Variants in SEPTIN10 observed in about 807,000 individuals in gnomAD.
The protein encoded by SEPTIN10 is septin 10, also known as septin-10.
In SEPTIN10, 66 loss-of-function variants were observed where a neutral mutation model predicts 54.8. The ratio of observed to expected loss-of-function variants is 1.21; its 90% CI spans 0.99 to 1.48. The LOEUF (loss-of-function observed/expected upper bound fraction) is 1.48. Among genes scored for constraint, SEPTIN10 ranks in the 40% most tolerant of loss-of-function variants. The pLI is 0.00. For missense variants in SEPTIN10, 620 were observed against 545.6 expected, an observed-to-expected ratio of 1.14 and a Z score of -1.36; for synonymous variants, 161 against 181.0, an observed-to-expected ratio of 0.89 and a Z score of 0.89.
chr2:109,564,930 A>C (rs936956030), intron 7 of SEPTIN10, among the ~76,000 whole-genome samples: 2 of 152,214 alleles, frequency 1.3e-5, no homozygotes, highest in African/African-American at 2.4e-5. Flanking sequence ...CTAAAACTTC[A>C]AAGTAGTAAA....
chr2:109,608,989 CAGT>C (rs1698632178), intron 1 of SEPTIN10, among the ~76,000 whole-genome samples: 1 of 152,150 alleles, frequency 6.6e-6, no homozygotes, highest in Non-Finnish European at 1.5e-5. Context: ...CTCTATCCTG[CAGT>C]AGATTATAAA....
intron 5 of SEPTIN10, among the ~76,000 whole-genome samples, chr2:109,572,609 CTTTTTT>C (rs60520770): frequency 9.0e-6 from 1 of 111,222 alleles, no homozygotes; most frequent in East Asian, 2.6e-4. Context: ...TTTAAAACAA[CTTTTTT>C]TTTTTTTTTT....
At chr2:109,600,165 C>T (rs186961992) in intron 1 of SEPTIN10, among the ~76,000 whole-genome samples, 5 of 152,314 alleles carry the variant, frequency 3.3e-5, no homozygotes, top group African/African-American at 2.4e-5. Context: ...CAGATCCACA[C>T]GGTTCTGCAG....
intron 8 of SEPTIN10, among the ~76,000 whole-genome samples, chr2:109,559,911 C>CTT (rs1185486244): frequency 0.19 from 22,204 of 117,432 alleles, 3,293 homozygotes; most frequent in African/African-American, 0.4. Flanking sequence ...CAACCAATGC[C>CTT]TTTTTTTTTT....
intron 1 of SEPTIN10, among the ~76,000 whole-genome samples, chr2:109,606,672 C>CTTTT (rs34414105): frequency 0.019 from 1,347 of 71,912 alleles, 144 homozygotes; most frequent in African/African-American, 0.056. Context: ...AAATTTTAAG[C>CTTTT]TTTTTTTTTT....
Position 109,546,144 on chromosome 2 carries a change from C to A in SEPTIN10, c.1255G>T (p.Ala419Ser). ...GAGGTAGCTTTCTTTTTAGAGAAAGCAATTATTTCTTCTTCCAAAAGTCTT... is the reference window on the plus strand; with the variant it reads ...GAGGTAGCTTTCTTTTTAGAGAAAGAAATTATTTCTTCTTCCAAAAGTCTT... ...KRRLLEEEII[A>S]FSKKKATSEI... The change falls in exon 10 of 11, where the codon GCT becomes TCT. Residue 419 changes from alanine to serine, a missense_variant. Physicochemically the swap from Ala to Ser is moderately conservative, Grantham distance 99. Transcript: ENST00000397712. The A allele has an allele frequency of 6.2e-7, 1 of 1,610,912 alleles. No individual in the cohort carries two copies. Among genetic ancestry groups the A allele is most frequent in the Non-Finnish European group, 8.5e-7 (1 of 1,178,704 alleles).
intron 1 of SEPTIN10, among the ~76,000 whole-genome samples, chr2:109,610,065 C>T (rs1698911535): frequency 6.6e-6 from 1 of 151,262 alleles, no homozygotes; most frequent in African/African-American, 2.4e-5. Flanking sequence ...GCTGTGATTC[C>T]TTAAGCGAGA....
At chr2:109,591,831 T>C (rs1395425559) in intron 2 of SEPTIN10, among the ~76,000 whole-genome samples, 1 of 151,692 alleles carries the variant, frequency 6.6e-6, no homozygotes, top group South Asian at 2.1e-4. Flanking sequence ...CTGGGAGGTG[T>C]AGGTTGAGTG....
At chr2:109,603,997 T>TA (rs1697287644) in intron 1 of SEPTIN10, among the ~76,000 whole-genome samples, 1 of 151,158 alleles carries the variant, frequency 6.6e-6, no homozygotes, top group African/African-American at 2.4e-5. Context: ...CCATCTCTAC[T>TA]AAAAATACAA....
In SEPTIN10 at chr2:109,565,831, C is replaced by T. The variant is rs1305195434; in HGVS notation, c.791G>A (p.Ser264Asn). ...GTTTCCGACTTTTACCTCATCCATA[C>T]TTCCCACAACAGCAAACGGCAACTG... ...NGQLPFAVVG[S>N]MDEVKVGNKM... The change falls in exon 7 of 11, where the codon AGT becomes AAT. Residue 264 changes from serine to asparagine, a missense_variant. By Grantham distance (46) the Ser-to-Asn change is conservative. Transcript: ENST00000397712. 4 of 1,613,814 alleles carry T rather than the reference C, an allele frequency of 2.5e-6. No individual in the cohort carries two copies. In the African/African-American group the frequency reaches 4.0e-5, roughly 16 times the overall value.
At chr2:109,613,233 A>T in intron 1 of SEPTIN10, 1 of 1,263,172 alleles carries the variant, frequency 7.9e-7, no homozygotes, top group Non-Finnish European at 1.0e-6. Context: ...AAGTAACTGG[A>T]AAGGTTCAAA....
chr2:109,568,024 T>TA, intron 5 of SEPTIN10, 48 bp from the exon 6 acceptor site: 1 of 1,364,496 alleles, frequency 7.3e-7, no homozygotes, highest in East Asian at 2.4e-5. Flanking sequence ...TTTTTTTTTT[T>TA]AATCCTGCAG....
At chr2:109,588,361 C>A (rs1693081070) in intron 2 of SEPTIN10, among the ~76,000 whole-genome samples, 1 of 151,614 alleles carries the variant, frequency 6.6e-6, no homozygotes, top group African/African-American at 2.4e-5. Flanking sequence ...CTTGAAAATA[C>A]AAATGTTTAA....
chr2:109,579,203 T>G (rs892687027), intron 4 of SEPTIN10, among the ~76,000 whole-genome samples: 9 of 152,162 alleles, frequency 5.9e-5, no homozygotes, highest in African/African-American at 9.7e-5. Flanking sequence ...TCCTGGAAAA[T>G]TATAACTTAC....
chr2:109,585,327 A>G lies in SEPTIN10; in HGVS notation c.218-6T>C. 6.3e-7 allele frequency: 1 copy of G among 1,595,508 alleles called. No homozygotes were observed. The highest frequency in any genetic ancestry group is 8.5e-7 in the Non-Finnish European group (1 of 1,170,400). On this transcript the variant is annotated splice_polypyrimidine_tract_variant and splice_region_variant and intron_variant, in intron 3 of 10. Transcript: ENST00000397712. ...TTTTCCAATTCCAGTTTCCCCTGAA[A>G]CACACAAAGGTACATCTTTATGGTT...
rs755982386 is a variant in SEPTIN10, at chr2:109,585,738, A to G, written c.200T>C (p.Phe67Ser). The change falls in exon 3 of 11, where the codon TTT becomes TCT. Residue 67 changes from phenylalanine to serine, a missense_variant. Physicochemically the swap from Phe to Ser is radical, Grantham distance 155. Coordinates refer to ENST00000397712, the MANE Select transcript of SEPTIN10 (RefSeq NM_144710.5). ...GCACGTACCCACACAGAGAATATTA[A>G]AGCAGAAACCTTGCTGAATGGATCT... ...VNRSIQQGFC[F>S]NILCVGETGI... 12 of 1,612,814 alleles carry G rather than the reference A, an allele frequency of 7.4e-6. No homozygotes were observed. The highest frequency in any genetic ancestry group is 1.3e-5 in the African/African-American group (1 of 74,882).
intron 4 of SEPTIN10, among the ~76,000 whole-genome samples, chr2:109,579,919 G>C (rs1420234817): frequency 6.6e-6 from 1 of 151,446 alleles, no homozygotes. Context: ...TCAGGAGTTT[G>C]AGACCAGCCT....
chr2:109,566,309 C>T (rs946723531), intron 6 of SEPTIN10, among the ~76,000 whole-genome samples: 3 of 151,788 alleles, frequency 2.0e-5, no homozygotes, highest in African/African-American at 4.8e-5. Context: ...TTAGTAGAGA[C>T]GGCGTTTCAC....
chr2:109,597,798 T>G (rs1695634959), intron 1 of SEPTIN10, among the ~76,000 whole-genome samples: 2 of 152,200 alleles, frequency 1.3e-5, no homozygotes, highest in African/African-American at 4.8e-5. Flanking sequence ...GAAAGTCTGG[T>G]GCTGCACCTT....
Sources: allele counts gnomAD v4.1 joint callset (sites outside exome capture counted in the v4.1 genomes callset), GRCh38; gene constraint gnomAD v4.1.1; transcripts MANE v1.5; gene names NCBI Gene and HGNC (gene_info 2026-07-23, HGNC 2026-07-21).